VIT: variants seen among roughly 807,000 people sequenced by gnomAD.
VIT encodes the protein vitrin.
Under a neutral mutation model 78.0 loss-of-function variants are expected in VIT, and 99 were observed. That is an observed-to-expected ratio of 1.27 (90% CI 1.08 to 1.50). The LOEUF (loss-of-function observed/expected upper bound fraction) is 1.50, where lower values mean the gene tolerates loss of function less well. Among genes scored for constraint, VIT ranks in the 40% most tolerant of loss-of-function variants. VIT has a pLI of 0.00. For synonymous variants in VIT, 374 were observed against 334.3 expected, an observed-to-expected ratio of 1.12 and a Z score of -1.29; for missense variants, 1,126 against 875.3, an observed-to-expected ratio of 1.29 and a Z score of -3.61.
chr2:36,772,895 C>G (rs777848094), intron 7 of VIT, among the ~76,000 whole-genome samples: 1 of 152,172 alleles, frequency 6.6e-6, no homozygotes, highest in Non-Finnish European at 1.5e-5. Flanking sequence ...CTGGGTTTTA[C>G]GTGCCTCTCT....
chr2:36,773,738 T>A (rs3770783), intron 7 of VIT, 53 bp from the exon 8 acceptor site: 145,836 of 1,386,138 alleles, frequency 0.11, 8,797 homozygotes, highest in East Asian at 0.26. Context: ...ATAAATAAAT[T>A]AATTAATTAA....
chr2:36,812,861 C>CTT (rs5830441), intron 15 of VIT, among the ~76,000 whole-genome samples: 11 of 110,290 alleles, frequency 1.0e-4, no homozygotes, highest in African/African-American at 1.3e-4. Context: ...TTTTCTTCTT[C>CTT]TTTTTTTTTT....
chr2:36,798,214 G>A (rs758997351), intron 12 of VIT, among the ~76,000 whole-genome samples: 3 of 152,248 alleles, frequency 2.0e-5, no homozygotes, highest in South Asian at 2.1e-4. Flanking sequence ...GGAATTTTGC[G>A]GGCAGAACTG....
At chr2:36,723,808 A>G (rs997206346) in intron 2 of VIT, among the ~76,000 whole-genome samples, 23 of 152,050 alleles carry the variant, frequency 1.5e-4, no homozygotes, top group Non-Finnish European at 2.5e-4. Context: ...AAAAGTAGCC[A>G]GGCACGGTGG....
At chr2:36,721,866 G>A (rs569810071) in intron 2 of VIT, among the ~76,000 whole-genome samples, 1 of 152,258 alleles carries the variant, frequency 6.6e-6, no homozygotes, top group African/African-American at 2.4e-5. Flanking sequence ...CTTCCTTGGT[G>A]TCCTGTGTTT....
intron 12 of VIT, among the ~76,000 whole-genome samples, chr2:36,794,028 G>A (rs567341047): frequency 1.3e-5 from 2 of 152,276 alleles, no homozygotes; most frequent in East Asian, 1.9e-4. Flanking sequence ...TTATCATCAG[G>A]TAGGTCTGGA....
intron 3 of VIT, among the ~76,000 whole-genome samples, chr2:36,735,670 G>A (rs530186979): frequency 6.6e-6 from 1 of 152,310 alleles, no homozygotes; most frequent in Non-Finnish European, 1.5e-5. Flanking sequence ...CCCTGAGGTG[G>A]GTGCTTCTCA....
intron 3 of VIT, among the ~76,000 whole-genome samples, chr2:36,733,825 G>C (rs962541002): frequency 6.6e-6 from 1 of 152,156 alleles, no homozygotes; most frequent in Admixed American, 6.5e-5. Flanking sequence ...ATCCTAAGAG[G>C]ACAGGGTGGT....
At chr2:36,737,648 T>C (rs1003589357) in intron 3 of VIT, among the ~76,000 whole-genome samples, 6 of 152,230 alleles carry the variant, frequency 3.9e-5, no homozygotes, top group African/African-American at 1.2e-4. Context: ...TTCCTGAACC[T>C]ACTGCCTTGG....
chr2:36,763,098 T>C (rs939280410), intron 6 of VIT, among the ~76,000 whole-genome samples: 20 of 152,192 alleles, frequency 1.3e-4, no homozygotes, highest in Admixed American at 4.6e-4. Flanking sequence ...TGAGCTAGCA[T>C]GGGAAAAACC....
chr2:36,766,187 G>A (rs1669417995), intron 6 of VIT, among the ~76,000 whole-genome samples: 1 of 152,202 alleles, frequency 6.6e-6, no homozygotes, highest in Non-Finnish European at 1.5e-5. Context: ...TGTTTAAAAG[G>A]AGAGAAGTGA....
chr2:36,767,538 G>C (rs542118546), intron 7 of VIT, among the ~76,000 whole-genome samples: 20 of 152,224 alleles, frequency 1.3e-4, no homozygotes, highest in Non-Finnish European at 2.9e-4. Context: ...CAAAAGCTCA[G>C]TTGAAGGGAT....
intron 1 of VIT, among the ~76,000 whole-genome samples, chr2:36,702,600 C>A (rs1177931942): frequency 1.3e-5 from 2 of 152,174 alleles, no homozygotes; most frequent in African/African-American, 2.4e-5. Context: ...CTCTGCCTTG[C>A]GCCTTTACCT....
At chr2:36,709,165 A>G (rs1203768106) in intron 1 of VIT, among the ~76,000 whole-genome samples, 1 of 152,138 alleles carries the variant, frequency 6.6e-6, no homozygotes, top group Non-Finnish European at 1.5e-5. Context: ...TAAATAAATA[A>G]AACAATATCG....
In VIT at chr2:36,699,626, G is replaced by GTAGGTAGATAGATAGATAGA. The variant is rs372689790; in HGVS notation, c.-19+2656_-19+2657insGTAGATAGATAGATAGATAG. Reference sequence around the variant, plus strand: ...GATATAGATATAGATAGATATATAGGTAGATAGATAGATAGATAGATAGAT... The same window carrying GTAGGTAGATAGATAGATAGA: ...GATATAGATATAGATAGATATATAGGTAGGTAGATAGATAGATAGATAGATAGATAGATAGATAGATAGAT... On this transcript the variant is annotated intron_variant, in intron 1 of 15. Coordinates refer to ENST00000379242, the MANE Select transcript of VIT (RefSeq NM_053276.4). Among the ~76,000 whole-genome samples, 898 of 141,966 alleles carry GTAGGTAGATAGATAGATAGA rather than the reference G, an allele frequency of 6.3e-3. 1 individual carries two copies. The highest frequency in any genetic ancestry group is 9.6e-3 in the African/African-American group (363 of 37,788). The allele number at this position is 141,966 out of a possible 152,430, so 93.1% of individuals were successfully genotyped here.
rs955860230 is a variant in VIT at position 36,729,448 on chromosome 2, T to C, written c.75T>C (p.His25=). Residue 25 remains histidine (H), a synonymous_variant, in exon 3 of 16, where the codon CAT becomes CAC. Transcript: ENST00000379242. ...TAGTTTTGCTGGTGACTGGAGTACATTCAAACAAAGAAACGGCAAAGAAGA... is the reference window on the plus strand; with the variant it reads ...TAGTTTTGCTGGTGACTGGAGTACACTCAAACAAAGAAACGGCAAAGAAGA... ...MFLVLLVTGV[H]SNKETAKKIK... is the part of the protein sequence containing the mutation. 1.9e-6 allele frequency: 3 copies of C among 1,608,548 alleles called. No individual in the cohort carries two copies. Among genetic ancestry groups the C allele is most frequent in the Admixed American group, 1.7e-5 (1 of 59,586 alleles).
intron 8 of VIT, among the ~76,000 whole-genome samples, chr2:36,774,314 C>G (rs1008355716): frequency 6.6e-5 from 10 of 152,164 alleles, no homozygotes; most frequent in Non-Finnish European, 1.3e-4. Context: ...ATGCCCCTGG[C>G]TGTCTTCATT....
At chr2:36,734,273 C>G (rs1336794181) in intron 3 of VIT, among the ~76,000 whole-genome samples, 4 of 152,192 alleles carry the variant, frequency 2.6e-5, no homozygotes, top group African/African-American at 7.2e-5. Flanking sequence ...GCCCTCTAAC[C>G]TCTCTTTTAG....
At chr2:36,764,984 GCAGAGTTAAGGC>G (rs1340071373) in intron 6 of VIT, among the ~76,000 whole-genome samples, 1 of 151,806 alleles carries the variant, frequency 6.6e-6, no homozygotes, top group Non-Finnish European at 1.5e-5. Flanking sequence ...TCAACCCCAA[GCAGAGTTAAGGC>G]CAGAGCTGGG....
Sources: allele counts gnomAD v4.1 joint callset (sites outside exome capture counted in the v4.1 genomes callset), GRCh38; gene constraint gnomAD v4.1.1; transcripts MANE v1.5; gene names NCBI Gene and HGNC (gene_info 2026-07-23, HGNC 2026-07-21).